Variants in SLC25A21 observed in about 807,000 individuals in gnomAD.
SLC25A21 encodes the protein mitochondrial 2-oxodicarboxylate carrier.
A neutral mutation model predicts 43.8 loss-of-function variants in SLC25A21; 47 were observed. That is an observed-to-expected ratio of 1.07 (90% CI 0.85 to 1.37). SLC25A21 has a LOEUF of 1.37. Ranked by LOEUF, SLC25A21 falls within the 40% of genes most tolerant of loss-of-function variation. SLC25A21 has a pLI of 0.00. For synonymous variants in SLC25A21, 131 were observed against 121.3 expected (o/e 1.08, Z -0.52); for missense variants, 352 against 350.2 (o/e 1.00, Z -0.04).
At chr14:37,153,816 C>A (rs111624155) in intron 1 of SLC25A21, among the ~76,000 whole-genome samples, 4,066 of 152,254 alleles carry the variant, frequency 0.027, 83 homozygotes, top group Middle Eastern at 0.048. Context: ...AGCACATAGC[C>A]CAGGGTCTCG....
At chr14:36,738,409 C>A (rs890936772) in intron 3 of SLC25A21, among the ~76,000 whole-genome samples, 5 of 152,162 alleles carry the variant, frequency 3.3e-5, no homozygotes, top group Non-Finnish European at 5.9e-5. Flanking sequence ...GAGCCTACAG[C>A]TTACCAGGAC....
chr14:37,155,221 C>G (rs1051899346), intron 1 of SLC25A21, among the ~76,000 whole-genome samples: 1 of 152,080 alleles, frequency 6.6e-6, no homozygotes, highest in Non-Finnish European at 1.5e-5. Flanking sequence ...AGGTGTTTGC[C>G]ACCATGCCTG....
At chr14:36,993,352 G>A (rs1178818629) in intron 1 of SLC25A21, among the ~76,000 whole-genome samples, 1 of 152,040 alleles carries the variant, frequency 6.6e-6, no homozygotes, top group Non-Finnish European at 1.5e-5. Flanking sequence ...GAGTTTTATG[G>A]CTTTAAAAAT....
intron 1 of SLC25A21, among the ~76,000 whole-genome samples, chr14:37,152,073 A>G (rs1963768320): frequency 6.6e-6 from 1 of 152,178 alleles, no homozygotes; most frequent in Non-Finnish European, 1.5e-5. Context: ...TAAGCAAAGT[A>G]AGATGCTTTG....
chr14:37,104,548 C>T (rs10147033), intron 1 of SLC25A21, among the ~76,000 whole-genome samples: 120,653 of 152,102 alleles, frequency 0.79, 50,935 homozygotes, highest in South Asian at 0.95. Flanking sequence ...CAACATAATA[C>T]GAAAATAGCT....
At chr14:36,832,402 C>A (rs1021120223) in intron 2 of SLC25A21, among the ~76,000 whole-genome samples, 1 of 152,134 alleles carries the variant, frequency 6.6e-6, no homozygotes, top group African/African-American at 2.4e-5. Flanking sequence ...TGGATCATGG[C>A]AGCACTGCAA....
At chr14:37,159,916 C>T (rs529268861) in intron 1 of SLC25A21, among the ~76,000 whole-genome samples, 3 of 151,898 alleles carry the variant, frequency 2.0e-5, no homozygotes, top group Non-Finnish European at 4.4e-5. Context: ...GCAAAGTACA[C>T]GAATAGACAT....
intron 1 of SLC25A21, among the ~76,000 whole-genome samples, chr14:36,932,328 T>A (rs1892316463): frequency 6.6e-6 from 1 of 152,144 alleles, no homozygotes; most frequent in African/African-American, 2.4e-5. Context: ...GAGTCCACGT[T>A]CTGCTCAGGT....
In SLC25A21 at chr14:37,000,088, T is replaced by A. The variant is rs1960455069; in HGVS notation, c.71-125084A>T. Among the ~76,000 whole-genome samples the A allele has an allele frequency of 1.3e-5, 2 of 152,196 alleles. 1 individual carries two copies. Among genetic ancestry groups the A allele is most frequent in the South Asian group, 4.1e-4 (2 of 4,832 alleles). ...ACCTGTAATAAATTCTCCCCATTTT[T>A]TCCACCTTTGTCAATGAATACTCCA... On this transcript the variant is annotated intron_variant, in intron 1 of 9. Transcript: ENST00000331299.
chr14:36,759,390 C>G (rs186215795), intron 3 of SLC25A21, among the ~76,000 whole-genome samples: 1 of 152,056 alleles, frequency 6.6e-6, no homozygotes, highest in Non-Finnish European at 1.5e-5. Flanking sequence ...ATATCATCTC[C>G]GTTTTGTCGT....
intron 1 of SLC25A21, among the ~76,000 whole-genome samples, chr14:37,101,233 A>G (rs1168275423): frequency 6.6e-6 from 1 of 152,140 alleles, no homozygotes; most frequent in Non-Finnish European, 1.5e-5. Flanking sequence ...TCACCTCTAA[A>G]ATTTCCACTA....
intron 3 of SLC25A21, among the ~76,000 whole-genome samples, chr14:36,805,325 C>A (rs1348522709): frequency 6.6e-6 from 1 of 152,136 alleles, no homozygotes; most frequent in African/African-American, 2.4e-5. Context: ...TGAGTGTCAG[C>A]TAGCAGTCTG....
intron 1 of SLC25A21, among the ~76,000 whole-genome samples, chr14:36,986,151 G>A (rs1960140013): frequency 6.6e-6 from 1 of 152,028 alleles, no homozygotes; most frequent in African/African-American, 2.4e-5. Flanking sequence ...AATGGACAAA[G>A]CAATAAAACA....
chr14:37,143,846 G>A (rs1435068509), intron 1 of SLC25A21, among the ~76,000 whole-genome samples: 1 of 152,130 alleles, frequency 6.6e-6, no homozygotes, highest in Non-Finnish European at 1.5e-5. Context: ...TGAGGAAAAG[G>A]CACAGTTTGG....
At chr14:37,094,147 G>A (rs116028128) in intron 1 of SLC25A21, among the ~76,000 whole-genome samples, 1 of 152,300 alleles carries the variant, frequency 6.6e-6, no homozygotes, top group African/African-American at 2.4e-5. Flanking sequence ...TCATAGCAAT[G>A]TGAACAAGTG....
chr14:36,801,099 C>T (rs1453928421), intron 3 of SLC25A21, among the ~76,000 whole-genome samples: 1 of 152,096 alleles, frequency 6.6e-6, no homozygotes, highest in Non-Finnish European at 1.5e-5. Context: ...ACATTCTGGG[C>T]CTCAACTGAA....
At chr14:36,810,800 G>C (rs1427901352) in intron 3 of SLC25A21, among the ~76,000 whole-genome samples, 2 of 119,838 alleles carry the variant, frequency 1.7e-5, no homozygotes, top group African/African-American at 5.6e-5. Context: ...ATATTCTTGG[G>C]ATGGGAAAGG....
rs1259598492 is a variant in SLC25A21 at position 36,684,807 on chromosome 14, A to G, written c.722T>C (p.Val241Ala). Residue 241 changes from valine (V) to alanine (A), a missense_variant, in exon 8 of 10, where the codon GTT becomes GCT. Transcript: ENST00000331299. ...GGTTCTGTACTTGATCTCTCCAGGAACTGGTTGAGGCCCTTGAATCCTACT... is the reference window on the plus strand; with the variant it reads ...GGTTCTGTACTTGATCTCTCCAGGAGCTGGTTGAGGCCCTTGAATCCTACT... ...AKSRIQGPQP[V>A]PGEIKYRTCF... 1 of 1,613,998 alleles carries G rather than the reference A, an allele frequency of 6.2e-7. No homozygotes were observed. Among genetic ancestry groups the G allele is most frequent in the African/African-American group, 1.3e-5 (1 of 74,938 alleles).
chr14:37,143,611 T>TGTGA (rs1963608042), intron 1 of SLC25A21, among the ~76,000 whole-genome samples: 1 of 151,940 alleles, frequency 6.6e-6, no homozygotes, highest in African/African-American at 2.4e-5. Flanking sequence ...TGTGTGTGTG[T>TGTGA]GTGTGTGTCT....
Sources: gnomAD v4.1 joint callset for allele counts (sites outside exome capture counted in the v4.1 genomes callset) on GRCh38, gnomAD v4.1.1 for gene constraint, MANE v1.5 for transcripts, NCBI Gene and HGNC (gene_info 2026-07-23, HGNC 2026-07-21) for gene names.